Variants in XRCC5 observed in about 807,000 individuals in gnomAD.
The protein encoded by XRCC5 is X-ray repair cross complementing 5.
In XRCC5, 12 loss-of-function variants were observed where a neutral mutation model predicts 95.7. The ratio of observed to expected loss-of-function variants is 0.13; its 90% CI spans 0.08 to 0.20. The LOEUF (loss-of-function observed/expected upper bound fraction) is 0.20, where lower values mean the gene tolerates loss of function less well. Ranked by LOEUF, XRCC5 falls within the 10% of genes least tolerant of loss-of-function variation. The pLI is 1.00. For missense variants in XRCC5, 595 were observed against 873.9 expected (o/e 0.68, Z 4.02); for synonymous variants, 281 against 290.3 (o/e 0.97, Z 0.33).
intron 1 of XRCC5, 40 bp from the exon 2 acceptor site, chr2:216,112,976 G>T (rs55662197): frequency 6.7e-7 from 1 of 1,494,540 alleles, no homozygotes; most frequent in South Asian, 1.2e-5. Context: ...CTTTTCTTAC[G>T]ACTTATTTTC....
intron 15 of XRCC5, 53 bp from the exon 16 acceptor site, chr2:216,161,926 G>T: frequency 6.7e-7 from 1 of 1,488,164 alleles, no homozygotes; most frequent in South Asian, 1.1e-5. Context: ...TGCCTGGGGT[G>T]CTGCTAAAAA....
intron 13 of XRCC5, among the ~76,000 whole-genome samples, chr2:216,145,538 A>G (rs767817341): frequency 2.6e-5 from 4 of 152,244 alleles, no homozygotes; most frequent in Admixed American, 2.0e-4. Flanking sequence ...AGGTGATCTC[A>G]GCTTCCCATC....
At chr2:216,116,607 T>C (rs1183454544) in intron 2 of XRCC5, 52 bp from the exon 3 acceptor site, 2 of 1,607,662 alleles carry the variant, frequency 1.2e-6, no homozygotes, top group Non-Finnish European at 1.7e-6. Flanking sequence ...GGTATTTTAT[T>C]GCTTCCAGAT....
At chr2:216,193,558 A>G (rs988780220) in intron 18 of XRCC5, among the ~76,000 whole-genome samples, 1 of 152,174 alleles carries the variant, frequency 6.6e-6, no homozygotes, top group African/African-American at 2.4e-5. Flanking sequence ...CTGACAGTTA[A>G]TTTTTCAGCC....
intron 14 of XRCC5, among the ~76,000 whole-genome samples, chr2:216,153,453 C>G (rs1688782796): frequency 6.6e-6 from 1 of 152,160 alleles, no homozygotes; most frequent in Non-Finnish European, 1.5e-5. Flanking sequence ...GCCATTAAAG[C>G]AAGGGTTTTT....
chr2:216,199,497 A>G (rs900417934), intron 19 of XRCC5, among the ~76,000 whole-genome samples: 1 of 152,192 alleles, frequency 6.6e-6, no homozygotes, highest in East Asian at 1.9e-4. Flanking sequence ...CCTAGGCATA[A>G]ATCATTCTTT....
chr2:216,158,389 G>A (rs1178764013), intron 14 of XRCC5, among the ~76,000 whole-genome samples: 1 of 152,172 alleles, frequency 6.6e-6, no homozygotes, highest in Non-Finnish European at 1.5e-5. Flanking sequence ...GCTAGTCAGT[G>A]GCAAAATCGA....
chr2:216,148,271 A>C lies in XRCC5; in HGVS notation c.1665A>C (p.Gln555His), dbSNP rs1349755980. ...AAGTGACTGCTCAGGAAATTTTCCA[A>C]GACAAGTAAGTACTTGGTATAGTTG... Reference protein sequence around the residue: ...KDQVTAQEIFQDNHEDGPTAK... With the variant: ...KDQVTAQEIFHDNHEDGPTAK... Residue 555 changes from glutamine (Q) to histidine (H), a missense_variant, in exon 14 of 21, where the codon CAA becomes CAC. Physicochemically the swap from Gln to His is conservative, Grantham distance 24 (BLOSUM62 0). Around this residue, in one of 2 missense-constraint regions of XRCC5, gnomAD observed 309 missense variants for 382.9 expected, o/e 0.81. Transcript: ENST00000392132. 1 of 1,609,560 alleles carries C rather than the reference A, an allele frequency of 6.2e-7. No individual in the cohort carries two copies. The highest frequency in any genetic ancestry group is 2.2e-5 in the East Asian group (1 of 44,858).
intron 3 of XRCC5, 84 bp from the exon 4 acceptor site, chr2:216,117,662 C>T (rs1696724270): frequency 2.1e-6 from 3 of 1,431,772 alleles, no homozygotes; most frequent in Admixed American, 3.4e-5. Context: ...TCCACAATTT[C>T]CAGCACGGTG....
chr2:216,127,184 G>A (rs1696912808), intron 7 of XRCC5, among the ~76,000 whole-genome samples: 1 of 152,114 alleles, frequency 6.6e-6, no homozygotes, highest in Non-Finnish European at 1.5e-5. Flanking sequence ...AGGTTGCAGT[G>A]AGCCAGGATT....
At chr2:216,132,177 A>G (rs1697006261) in intron 9 of XRCC5, 148 bp from the exon 10 acceptor site, 2 of 679,664 alleles carry the variant, frequency 2.9e-6, no homozygotes, top group Non-Finnish European at 5.1e-6. Flanking sequence ...GTTGTGTTGT[A>G]TTGAATTAAA....
chr2:216,146,231 C>G (rs930794863), intron 13 of XRCC5, among the ~76,000 whole-genome samples: 1 of 152,168 alleles, frequency 6.6e-6, no homozygotes, highest in Non-Finnish European at 1.5e-5. Context: ...GGGAAGGGAG[C>G]AGGGAGAAGC....
chr2:216,149,876 A>C (rs1688711146), intron 14 of XRCC5, among the ~76,000 whole-genome samples: 2 of 152,136 alleles, frequency 1.3e-5, no homozygotes, highest in Non-Finnish European at 2.9e-5. Flanking sequence ...CAGCATAGCT[A>C]AGTTAATCTT....
At chr2:216,118,958 C>T (rs1476971920) in intron 4 of XRCC5, 85 bp from the exon 5 acceptor site, 1 of 1,425,360 alleles carries the variant, frequency 7.0e-7, no homozygotes, top group Non-Finnish European at 9.8e-7. Context: ...TTCTAAGCTT[C>T]TCTCCTCAGT....
intron 16 of XRCC5, 42 bp from the exon 17 acceptor site, chr2:216,190,183 G>A (rs773381523): frequency 1.4e-5 from 22 of 1,541,942 alleles, no homozygotes; most frequent in Non-Finnish European, 2.0e-5. Flanking sequence ...CCTCTCTCAG[G>A]CATCACTCAA....
chr2:216,141,198 A>G lies in XRCC5; in HGVS notation c.1355A>G (p.Asn452Ser), dbSNP rs1426245943. Residue 452 changes from asparagine to serine, a missense_variant, in exon 13 of 21, where the codon AAT (asparagine) becomes AGT (serine). This residue lies in a region of XRCC5 where 309 missense variants were observed against 382.9 expected (regional missense o/e 0.81). Coordinates refer to ENST00000392132, the MANE Select transcript of XRCC5 (RefSeq NM_021141.4). ...KKYAPTEAQL[N>S]AVDALIDSMS... ...TTCTCTGTTTAAGAGGCACAGTTGA[A>G]TGCTGTTGATGCTTTGATTGACTCC... is the stretch of plus-strand genomic sequence containing the variant. 3.7e-6 allele frequency: 6 copies of G among 1,613,996 alleles called. No homozygotes were observed. The highest frequency in any genetic ancestry group is 4.2e-6 in the Non-Finnish European group (5 of 1,180,004).
intron 9 of XRCC5, chr2:216,131,246 G>C: frequency 1.0e-6 from 1 of 985,392 alleles, no homozygotes; most frequent in Non-Finnish European, 1.2e-6. Context: ...GCGGAGATGA[G>C]GGGTATTTGA....
intron 2 of XRCC5, among the ~76,000 whole-genome samples, chr2:216,114,877 C>G (rs575389624): frequency 8.5e-5 from 13 of 152,280 alleles, no homozygotes; most frequent in African/African-American, 2.6e-4. Context: ...TGACTAGTAA[C>G]CACACTACGC....
intron 4 of XRCC5, 115 bp downstream of exon 4, chr2:216,117,909 A>T: frequency 9.0e-7 from 1 of 1,106,940 alleles, no homozygotes; most frequent in Non-Finnish European, 1.3e-6. Flanking sequence ...TTTGTGTGAC[A>T]AGAGAAACAT....
Sources: gnomAD v4.1 joint callset for allele counts (sites outside exome capture counted in the v4.1 genomes callset) on GRCh38, gnomAD v4.1.1 for gene constraint, gnomAD v4.1.1 regional missense constraint, MANE v1.5 for transcripts, NCBI Gene and HGNC (gene_info 2026-07-23, HGNC 2026-07-21) for gene names.